MTARC2: variants seen among roughly 807,000 people sequenced by gnomAD.
MTARC2 encodes the protein mitochondrial amidoxime reducing component 2, also known as MOCO sulphurase C-terminal domain containing 2.
A neutral mutation model predicts 35.6 loss-of-function variants in MTARC2; 27 were observed. That is an observed-to-expected ratio of 0.76 (90% confidence interval 0.56 to 1.04). The LOEUF (loss-of-function observed/expected upper bound fraction) is 1.04. Among genes scored for constraint, MTARC2 ranks in the 50% least tolerant of loss-of-function variants. The pLI is 0.00. For synonymous variants in MTARC2, 158 were observed against 167.1 expected (o/e 0.95, Z 0.42); for missense variants, 412 against 432.5 (o/e 0.95, Z 0.42).
chr1:220,748,765 C>T lies in MTARC2; in HGVS notation c.234C>T (p.Cys78=). 6.3e-7 allele frequency: 1 copy of T among 1,599,752 alleles called. No homozygotes were observed. The highest frequency in any genetic ancestry group is 8.5e-7 in the Non-Finnish European group (1 of 1,173,546). Residue 78 remains cysteine, a synonymous_variant, in exon 1 of 8, where the codon TGC becomes TGT. Transcript: ENST00000366913. ...GGGTGCCGGTGAGCGAGGCTGAGTG[C>T]ACGGCCATGGGGCTGCGCAGCGGCA... The part of the protein sequence containing the change: ...CKGVPVSEAE[C]TAMGLRSGNL...
intron 2 of MTARC2, among the ~76,000 whole-genome samples, chr1:220,757,612 G>A (rs1278917876): frequency 6.6e-6 from 1 of 152,160 alleles, no homozygotes; most frequent in African/African-American, 2.4e-5. Context: ...GCTGTAGATG[G>A]CCACTTCTCG....
chr1:220,761,986 G>A (rs1671451180), intron 3 of MTARC2, among the ~76,000 whole-genome samples, 166 bp downstream of exon 3: 1 of 152,134 alleles, frequency 6.6e-6, no homozygotes, highest in Non-Finnish European at 1.5e-5. Flanking sequence ...ACCAGGGGAT[G>A]GAAAAGAAGG....
At chr1:220,770,416 C>T (rs1380867700) in intron 4 of MTARC2, 5 of 985,198 alleles carry the variant, frequency 5.1e-6, no homozygotes, top group East Asian at 1.1e-4. Context: ...GACGGTGGTG[C>T]GCGGTATTCC....
Position 220,748,694 on chromosome 1 carries a change from G to T in MTARC2, c.163G>T (p.Gly55Cys). The change falls in exon 1 of 8, where the codon GGC becomes TGC. Residue 55 changes from glycine (G) to cysteine (C), a missense_variant. Gly to Cys is a radical substitution (Grantham distance 159, BLOSUM62 -3). Coordinates refer to ENST00000366913, the MANE Select transcript of MTARC2 (RefSeq NM_017898.5). The part of the protein sequence containing the change: ...PRRRRRLQQV[G>C]TVAKLWIYPV... The stretch of plus-strand genomic sequence containing the variant: ...GCGGCGCCGGCGGCTGCAGCAGGTG[G>T]GCACCGTGGCGAAGCTCTGGATCTA... The T allele has an allele frequency of 6.3e-7, 1 of 1,592,536 alleles. No homozygotes were observed. Among genetic ancestry groups the T allele is most frequent in the Non-Finnish European group, 8.5e-7 (1 of 1,170,406 alleles).
At chr1:220,753,505 C>T (rs1671189641) in intron 1 of MTARC2, among the ~76,000 whole-genome samples, 1 of 152,162 alleles carries the variant, frequency 6.6e-6, no homozygotes, top group South Asian at 2.1e-4. Context: ...CTGTCAGGGT[C>T]AGGACAGGGC....
intron 4 of MTARC2, among the ~76,000 whole-genome samples, chr1:220,764,549 G>A (rs751083362): frequency 6.6e-6 from 1 of 152,144 alleles, no homozygotes; most frequent in Non-Finnish European, 1.5e-5. Context: ...CACTTTGGGA[G>A]GCCGAAGCAG....
At chr1:220,783,015 TA>T (rs1558078598) in intron 7 of MTARC2, among the ~76,000 whole-genome samples, 2 of 152,340 alleles carry the variant, frequency 1.3e-5, no homozygotes, top group East Asian at 3.9e-4. Flanking sequence ...ATAGTGGGTA[TA>T]AAGATGACAC....
chr1:220,763,108 G>A, intron 4 of MTARC2, 58 bp downstream of exon 4: 1 of 1,612,898 alleles, frequency 6.2e-7, no homozygotes, highest in South Asian at 1.1e-5. Flanking sequence ...CGGTGCTAAG[G>A]GAACTCTGCT....
At chr1:220,783,686 T>C (rs1448174450) in intron 7 of MTARC2, among the ~76,000 whole-genome samples, 3 of 152,286 alleles carry the variant, frequency 2.0e-5, no homozygotes, top group Admixed American at 2.0e-4. Flanking sequence ...CTCTGTGAGA[T>C]AGATATGATA....
At position 220,769,934 on chromosome 1, in the gene MTARC2, C is replaced by CAAAAAAAAAAAAAAAAAA. The variant is rs57739324; in HGVS notation, c.750+6890_750+6907dup. On this transcript the variant is annotated intron_variant, in intron 4 of 7. Transcript: ENST00000366913. ...TGAAACTCCATCTCTACTAAAAATACAAAAAAAAAAAAAAAAAAAAAAATT... is the reference window on the plus strand; with the variant it reads ...TGAAACTCCATCTCTACTAAAAATACAAAAAAAAAAAAAAAAAAAAAAAAAAAAAAAAAAAAAAAAATT... 3.6e-4 allele frequency among the ~76,000 whole-genome samples: 23 copies of CAAAAAAAAAAAAAAAAAA among 63,418 alleles called. 3 individuals are homozygous for CAAAAAAAAAAAAAAAAAA. The highest frequency in any genetic ancestry group is 2.8e-3 in the East Asian group (4 of 1,450). 41.6% of individuals were successfully genotyped at this position (63,418 alleles called of 152,430 possible).
intron 4 of MTARC2, among the ~76,000 whole-genome samples, chr1:220,772,183 C>T (rs1390971749): frequency 6.6e-6 from 1 of 152,156 alleles, no homozygotes; most frequent in East Asian, 1.9e-4. Flanking sequence ...TTTCCATTTT[C>T]TCTCACATAA....
At chr1:220,773,262 C>A (rs1278601756) in intron 4 of MTARC2, among the ~76,000 whole-genome samples, 1 of 152,128 alleles carries the variant, frequency 6.6e-6, no homozygotes, top group Non-Finnish European at 1.5e-5. Flanking sequence ...CTCCAAAAAA[C>A]CCCTGAAAGA....
At chr1:220,762,768 A>G in intron 3 of MTARC2, 142 bp from the exon 4 acceptor site, 4 of 893,344 alleles carry the variant, frequency 4.5e-6, no homozygotes, top group Non-Finnish European at 6.9e-6. Context: ...TGCAAGCCCA[A>G]ACTCACATCT....
chr1:220,750,625 G>A (rs921141377), intron 1 of MTARC2, among the ~76,000 whole-genome samples: 3 of 152,178 alleles, frequency 2.0e-5, no homozygotes, highest in African/African-American at 7.2e-5. Context: ...AGAGGGAAAG[G>A]CAATGAAATT....
intron 1 of MTARC2, among the ~76,000 whole-genome samples, chr1:220,753,050 TAA>T (rs747375341): frequency 4.9e-4 from 52 of 106,854 alleles, no homozygotes; most frequent in African/African-American, 1.6e-3. Flanking sequence ...CTGTCTCTAC[TAA>T]AAAAAAAAAA....
chr1:220,748,858 G>GC, intron 1 of MTARC2, 55 bp downstream of exon 1: 1 of 1,493,060 alleles, frequency 6.7e-7, no homozygotes, highest in Non-Finnish European at 8.9e-7. Flanking sequence ...ATGAGGAGCG[G>GC]GGGGGCAGGT....
intron 6 of MTARC2, 132 bp from the exon 7 acceptor site, chr1:220,781,646 C>G: frequency 2.3e-6 from 2 of 888,010 alleles, no homozygotes; most frequent in Non-Finnish European, 3.4e-6. Context: ...CCACAGACTT[C>G]TCTCGCAACA....
chr1:220,748,468 C>A lies in MTARC2; in HGVS notation c.-64C>A, dbSNP rs1351948537. The A allele has an allele frequency of 7.5e-7, 1 of 1,332,490 alleles. No individual in the cohort carries two copies. Among genetic ancestry groups the A allele is most frequent in the South Asian group, 2.0e-5 (1 of 51,246 alleles). 82.5% of individuals were successfully genotyped at this position (1,332,490 alleles called of 1,614,324 possible). A position where few individuals can be genotyped will look rare whatever the true frequency, so the allele number is the denominator to read the frequency against. On this transcript the variant is annotated 5_prime_UTR_variant, in exon 1 of 8. Transcript: ENST00000366913. ...CTGCCCGGATCCTTAAGGGCCTCCT[C>A]GTCCTCCCGGTCTCCGGTCGCTGCC... is the stretch of plus-strand genomic sequence containing the variant.
chr1:220,762,314 C>T (rs1296835680), intron 3 of MTARC2, among the ~76,000 whole-genome samples: 1 of 152,182 alleles, frequency 6.6e-6, no homozygotes, highest in Non-Finnish European at 1.5e-5. Flanking sequence ...TTCAAATTAT[C>T]AGATAATACA....
Sources: gnomAD v4.1 joint callset for allele counts (sites outside exome capture counted in the v4.1 genomes callset) on GRCh38, gnomAD v4.1.1 for gene constraint, MANE v1.5 for transcripts, NCBI Gene and HGNC (gene_info 2026-07-23, HGNC 2026-07-21) for gene names.